Variants in PHRF1 observed in about 807,000 individuals in gnomAD.
PHRF1 encodes the protein PHD and RING finger domain-containing protein 1.
A neutral mutation model predicts 128.9 loss-of-function variants in PHRF1; 53 were observed. The ratio of observed to expected loss-of-function variants is 0.41; its 90% confidence interval spans 0.33 to 0.52. The LOEUF (loss-of-function observed/expected upper bound fraction) is 0.52. Among genes scored for constraint, PHRF1 ranks in the 20% least tolerant of loss-of-function variants. The pLI is 0.21. For missense variants in PHRF1, 2,503 were observed against 2,284.5 expected, an observed-to-expected ratio of 1.10 and a Z score of -1.95; for synonymous variants, 1,178 against 980.6, an observed-to-expected ratio of 1.20 and a Z score of -3.76.
intron 3 of PHRF1, among the ~76,000 whole-genome samples, chr11:584,043 G>C (rs539267203): frequency 3.3e-5 from 5 of 152,236 alleles, no homozygotes; most frequent in Admixed American, 3.3e-4. Context: ...GTTCCAGAAA[G>C]GTAACACTCC....
chr11:596,680 C>T (rs180970745), intron 6 of PHRF1, among the ~76,000 whole-genome samples: 1 of 152,364 alleles, frequency 6.6e-6, no homozygotes, highest in East Asian at 1.9e-4. Flanking sequence ...CCGCTGTGAC[C>T]TCACCTGGCC....
chr11:582,127 G>A (rs201081599), intron 3 of PHRF1, 46 bp downstream of exon 3: 231 of 1,553,844 alleles, frequency 1.5e-4, no homozygotes, highest in Non-Finnish European at 1.8e-4. Context: ...TCCTCTTGTC[G>A]TGATGGGGAC....
chr11:605,055 A>C lies in PHRF1; in HGVS notation c.1153-64A>C, dbSNP rs374409814. On this transcript the variant is annotated intron_variant, in intron 10 of 17. Coordinates refer to ENST00000264555, the MANE Select transcript of PHRF1 (RefSeq NM_001286581.2). ...CTGATGAAGGCTTCACGTGGCATTTACAGAGCCCTCGTAGATGCCATCCCC... is the reference window on the plus strand; with the variant it reads ...CTGATGAAGGCTTCACGTGGCATTTCCAGAGCCCTCGTAGATGCCATCCCC... 1.1e-4 allele frequency: 164 copies of C among 1,492,506 alleles called. 1 individual carries two copies. The highest frequency in any genetic ancestry group is 8.6e-4 in the Admixed American group (41 of 47,862). 92.5% of individuals were successfully genotyped at this position (1,492,506 alleles called of 1,614,324 possible).
intron 12 of PHRF1, among the ~76,000 whole-genome samples, chr11:606,026 A>C (rs1855920025): frequency 6.6e-6 from 1 of 152,200 alleles, no homozygotes; most frequent in African/African-American, 2.4e-5. Context: ...CTCGGGCAGG[A>C]GCAGTGGCCC....
At chr11:605,016 A>G (rs1564859868) in intron 10 of PHRF1, 103 bp from the exon 11 acceptor site, 2 of 1,188,148 alleles carry the variant, frequency 1.7e-6, no homozygotes, top group Admixed American at 2.5e-5. Flanking sequence ...TTCCGGCTCT[A>G]GTGTTCACTG....
At chr11:589,832 G>C (rs56379816) in intron 4 of PHRF1, among the ~76,000 whole-genome samples, 95 of 121,828 alleles carry the variant, frequency 7.8e-4, no homozygotes, top group Middle Eastern at 7.7e-3. Flanking sequence ...GGCTCAGCCT[G>C]AGAGAGAGTC....
intron 10 of PHRF1, among the ~76,000 whole-genome samples, chr11:603,008 A>G (rs544247331): frequency 7.4e-4 from 113 of 151,744 alleles, no homozygotes; most frequent in Middle Eastern, 3.4e-3. Flanking sequence ...TGATCTGCCC[A>G]CCTCGGCCCC....
intron 1 of PHRF1, among the ~76,000 whole-genome samples, chr11:577,923 C>A (rs944313732): frequency 2.4e-4 from 36 of 152,382 alleles, no homozygotes; most frequent in African/African-American, 7.5e-4. Flanking sequence ...CCTCTTTAAT[C>A]CCCCAAATCT....
Position 607,945 on chromosome 11 carries a change from A to G in PHRF1, c.2489A>G (p.Tyr830Cys), listed in dbSNP as rs771355543. ...KKTKQLRSEV[Y>C]DPSDPTGSDS... Reference sequence around the variant, plus strand: ...ACGAAGCAGCTGCGGAGCGAGGTCTACGACCCATCCGACCCCACCGGCTCC... The same window carrying G: ...ACGAAGCAGCTGCGGAGCGAGGTCTGCGACCCATCCGACCCCACCGGCTCC... Residue 830 changes from tyrosine to cysteine, a missense_variant, in exon 14 of 18, where the codon TAC (tyrosine) becomes TGC (cysteine). Tyr to Cys is a radical substitution (Grantham distance 194). Coordinates refer to ENST00000264555, the MANE Select transcript of PHRF1 (RefSeq NM_001286581.2). 22 of 1,612,102 alleles carry G rather than the reference A, an allele frequency of 1.4e-5. No homozygotes were observed. Among genetic ancestry groups the G allele is most frequent in the Non-Finnish European group, 1.7e-5 (20 of 1,179,822 alleles).
At chr11:600,496 ATAT>A (rs1855565978) in intron 9 of PHRF1, among the ~76,000 whole-genome samples, 1 of 37,634 alleles carries the variant, frequency 2.7e-5, no homozygotes, top group African/African-American at 5.7e-5. Flanking sequence ...CTCCAAAAAT[ATAT>A]ATATATATAT....
chr11:611,601 A>C (rs1433037071), intron 17 of PHRF1, 33 bp from the exon 18 acceptor site: 1 of 1,612,368 alleles, frequency 6.2e-7, no homozygotes, highest in Non-Finnish European at 8.5e-7. Flanking sequence ...CTGGATGTGA[A>C]AGGGCATTTG....
intron 3 of PHRF1, 46 bp from the exon 4 acceptor site, chr11:587,213 C>A: frequency 6.3e-7 from 1 of 1,589,326 alleles, no homozygotes; most frequent in Non-Finnish European, 8.6e-7. Context: ...TGCCGCGGTT[C>A]ACGCTGCCCA....
intron 4 of PHRF1, among the ~76,000 whole-genome samples, chr11:588,289 T>C (rs7947833): frequency 0.039 from 5,970 of 152,284 alleles, 400 homozygotes; most frequent in African/African-American, 0.14. Flanking sequence ...CAGGCTGTGA[T>C]GTCACCCAAA....
At position 608,387 on chromosome 11, in the gene PHRF1, G is replaced by T; in HGVS notation, c.2931G>T (p.Leu977=). ...AAGCCCCACCCAGCCCGGACGTGCT[G>T]CAGGCTGCCACCCACAGAGTCGTGG... is the stretch of plus-strand genomic sequence containing the variant. The part of the protein sequence containing the change: ...EPEAPPSPDV[L]QAATHRVVEL... Residue 977 remains leucine, a synonymous_variant, in exon 14 of 18, where the codon CTG becomes CTT. Transcript: ENST00000264555. 6.2e-7 allele frequency: 1 copy of T among 1,611,584 alleles called. No homozygotes were observed. The highest frequency in any genetic ancestry group is 8.5e-7 in the Non-Finnish European group (1 of 1,179,522).
intron 9 of PHRF1, among the ~76,000 whole-genome samples, chr11:599,253 C>CTTTTTT (rs754658303): frequency 6.6e-3 from 693 of 104,934 alleles, no homozygotes; most frequent in Non-Finnish European, 8.5e-3. Flanking sequence ...TTTTTCTTTT[C>CTTTTTT]TTTTTTTTTT....
intron 3 of PHRF1, among the ~76,000 whole-genome samples, chr11:585,720 G>T (rs1854511834): frequency 7.4e-6 from 1 of 135,278 alleles, no homozygotes; most frequent in Non-Finnish European, 1.5e-5. Context: ...TCGCTCTGTT[G>T]CCCAGGCTGG....
In PHRF1 at chr11:597,246, G is replaced by A. The variant is rs527282671; in HGVS notation, c.719-149G>A. 2 of 1,058,954 alleles carry A rather than the reference G, an allele frequency of 1.9e-6. No homozygotes were observed. The highest frequency in any genetic ancestry group is 2.6e-5 in the East Asian group (1 of 38,364). The allele number at this position is 1,058,954 out of a possible 1,614,324, so 65.6% of individuals were successfully genotyped here. On this transcript the variant is annotated intron_variant, in intron 7 of 17. Transcript: ENST00000264555. This position sits in a 1 kb window ranked among gnomAD's most constrained non-coding sequence, Gnocchi z 6.5. ...TGGGGGGTTCCGGTCCTCAGTGTTA[G>A]GAGCACCAGGCTCCATGAGCAGCCC...
intron 5 of PHRF1, 77 bp downstream of exon 5, chr11:591,544 G>A: frequency 2.4e-6 from 3 of 1,236,144 alleles, no homozygotes; most frequent in Non-Finnish European, 3.3e-6. Flanking sequence ...GCTTTCCAAA[G>A]TGGGCTTGCT....
intron 4 of PHRF1, among the ~76,000 whole-genome samples, chr11:589,657 C>T (rs1201466218): frequency 6.6e-6 from 1 of 152,204 alleles, no homozygotes; most frequent in Non-Finnish European, 1.5e-5. Context: ...GTCAAGATCT[C>T]GGACTAGAAA....
Sources: gnomAD v4.1 joint callset for allele counts (sites outside exome capture counted in the v4.1 genomes callset) on GRCh38, gnomAD v4.1.1 for gene constraint, Gnocchi (gnomAD v3.1) non-coding constraint, MANE v1.5 for transcripts, NCBI Gene and HGNC (gene_info 2026-07-23, HGNC 2026-07-21) for gene names.